Variants in DLG2 observed in about 807,000 individuals in gnomAD.
DLG2 encodes discs large MAGUK scaffold protein 2.
A neutral mutation model predicts 132.5 loss-of-function variants in DLG2; 45 were observed. The ratio of observed to expected loss-of-function variants is 0.34; its 90% CI spans 0.27 to 0.44. DLG2 has a LOEUF of 0.44. Among genes scored for constraint, DLG2 ranks in the 20% least tolerant of loss-of-function variants. The probability of loss-of-function intolerance (pLI) is 1.00; values close to 1 mark genes in which losing one functional copy is unlikely to be tolerated. For synonymous variants in DLG2, 424 were observed against 419.6 expected (o/e 1.01, Z -0.13); for missense variants, 1,045 against 1,196.9 (o/e 0.87, Z 1.87).
chr11:84,043,850 C>T (rs2096168507), intron 11 of DLG2, among the ~76,000 whole-genome samples: 1 of 151,566 alleles, frequency 6.6e-6, no homozygotes, highest in Non-Finnish European at 1.5e-5. Flanking sequence ...GTTCCCTGGG[C>T]TTCAATCTTT....
intron 4 of DLG2, among the ~76,000 whole-genome samples, chr11:85,278,124 A>G (rs2152747721): frequency 6.6e-6 from 1 of 152,218 alleles, no homozygotes; most frequent in African/African-American, 2.4e-5. Context: ...AACCTTTCCC[A>G]CTTTCTCCTA....
At chr11:84,982,119 C>T (rs2055840483) in intron 6 of DLG2, among the ~76,000 whole-genome samples, 1 of 152,104 alleles carries the variant, frequency 6.6e-6, no homozygotes, top group African/African-American at 2.4e-5. Context: ...GGCTCTTCCG[C>T]CTGTAGCCAC....
intron 21 of DLG2, among the ~76,000 whole-genome samples, chr11:83,527,165 A>AAAACC: frequency 6.6e-6 from 1 of 152,328 alleles, no homozygotes; most frequent in Admixed American, 6.5e-5. Flanking sequence ...ATCATCTAGG[A>AAAACC]AAACCAGCTT....
intron 11 of DLG2, among the ~76,000 whole-genome samples, chr11:84,015,484 G>C (rs775147306): frequency 6.6e-6 from 1 of 152,052 alleles, no homozygotes; most frequent in East Asian, 1.9e-4. Flanking sequence ...CATCACCCAG[G>C]TATTAATCCC....
intron 18 of DLG2, among the ~76,000 whole-genome samples, chr11:83,751,363 T>A (rs1460519811): frequency 6.6e-6 from 1 of 152,044 alleles, no homozygotes; most frequent in Non-Finnish European, 1.5e-5. Context: ...TATAGGAGCT[T>A]AGAGGTCAAT....
intron 6 of DLG2, among the ~76,000 whole-genome samples, chr11:84,535,794 T>C (rs140870071): frequency 6.6e-6 from 1 of 152,184 alleles, no homozygotes; most frequent in Non-Finnish European, 1.5e-5. Flanking sequence ...AATAAAGTGT[T>C]AGTTTGCTTT....
At chr11:83,969,838 G>C (rs189014488) in intron 12 of DLG2, among the ~76,000 whole-genome samples, 30 of 152,184 alleles carry the variant, frequency 2.0e-4, no homozygotes, top group Non-Finnish European at 2.6e-4. Context: ...CTCTCAAAGT[G>C]CTGGGATTAC....
At chr11:85,012,900 T>C (rs1462944558) in intron 6 of DLG2, among the ~76,000 whole-genome samples, 1 of 152,178 alleles carries the variant, frequency 6.6e-6, no homozygotes, top group African/African-American at 2.4e-5. Context: ...TATCACCCCT[T>C]AGAGCCTGTG....
chr11:84,452,613 C>G (rs1027880812), intron 7 of DLG2, among the ~76,000 whole-genome samples: 1 of 151,696 alleles, frequency 6.6e-6, no homozygotes, highest in African/African-American at 2.4e-5. Context: ...GTAGATCCAA[C>G]AGATTGTATG....
intron 17 of DLG2, among the ~76,000 whole-genome samples, chr11:83,822,652 T>C (rs1306874475): frequency 1.3e-5 from 2 of 152,234 alleles, no homozygotes; most frequent in African/African-American, 4.8e-5. Context: ...GGTTTGGCTA[T>C]AAGTGGCCAG....
chr11:84,873,636 GGAGA>G (rs1420961462), intron 6 of DLG2, among the ~76,000 whole-genome samples: 3 of 152,174 alleles, frequency 2.0e-5, no homozygotes, highest in Non-Finnish European at 2.9e-5. Flanking sequence ...GAAAGATTAG[GGAGA>G]GAGTTACTCC....
intron 27 of DLG2, chr11:83,461,543 AG>A (rs2090015911): frequency 6.5e-6 from 1 of 153,216 alleles, no homozygotes; most frequent in Non-Finnish European, 1.5e-5. Flanking sequence ...CATCTTGTTC[AG>A]GTGCTGCTGA....
intron 3 of DLG2, among the ~76,000 whole-genome samples, chr11:85,470,386 G>A (rs150316224): frequency 3.4e-4 from 52 of 152,232 alleles, no homozygotes; most frequent in African/African-American, 1.1e-3. Flanking sequence ...TGGGGTAGGG[G>A]TGAGAAGGAG....
At chr11:84,314,735 C>T (rs2098337296) in intron 7 of DLG2, among the ~76,000 whole-genome samples, 2 of 151,632 alleles carry the variant, frequency 1.3e-5, no homozygotes, top group South Asian at 4.2e-4. Flanking sequence ...CTTAAATATA[C>T]ATAAAATATG....
chr11:83,686,547 T>A lies in DLG2; in HGVS notation c.1826-53222A>T, dbSNP rs561369669. ...TGAATCTCCAGCACCAGAACAGGACTTGCCACATAATATGTACACATTAAA... is the reference window on the plus strand; with the variant it reads ...TGAATCTCCAGCACCAGAACAGGACATGCCACATAATATGTACACATTAAA... On this transcript the variant is annotated intron_variant, in intron 18 of 27. Transcript: ENST00000376104. Among the ~76,000 whole-genome samples, 6 of 152,148 alleles carry A rather than the reference T, an allele frequency of 3.9e-5. No individual in the cohort carries two copies. The East Asian group carries it at 7.7e-4, about 20-fold the overall frequency.
intron 11 of DLG2, among the ~76,000 whole-genome samples, chr11:84,032,210 C>G (rs2095717380): frequency 6.6e-6 from 1 of 152,040 alleles, no homozygotes; most frequent in Admixed American, 6.6e-5. Context: ...AATGATTATG[C>G]TTAGTGAGGA....
chr11:83,518,479 AATGCCTCACCCTGCTTCAGCG>A (rs1168100078), intron 21 of DLG2, among the ~76,000 whole-genome samples: 3 of 152,260 alleles, frequency 2.0e-5, no homozygotes, highest in Middle Eastern at 6.8e-3. Context: ...CGGGTGAGGC[AATGCCTCACCCTGCTTCAGCG>A]ATGCCTCACC....
rs894725744 is a variant in DLG2, at chr11:85,191,174, A to G, written c.187-36523T>C. Among the ~76,000 whole-genome samples the G allele has an allele frequency of 2.1e-4, 31 of 148,626 alleles. No homozygotes were observed. The East Asian group carries it at 3.1e-3, about 15-fold the overall frequency. Reference sequence around the variant, plus strand: ...CGCGCGCACGCGCGCACACACACACACACACACACACACACACACACACAC... The same window carrying G: ...CGCGCGCACGCGCGCACACACACACGCACACACACACACACACACACACAC... On this transcript the variant is annotated intron_variant, in intron 4 of 27. Transcript: ENST00000376104.
intron 16 of DLG2, among the ~76,000 whole-genome samples, chr11:83,869,456 C>A (rs2154060611): frequency 6.6e-6 from 1 of 152,226 alleles, no homozygotes; most frequent in South Asian, 2.1e-4. Flanking sequence ...CCCAATGGAG[C>A]CATGGTTTCA....
Sources: gnomAD v4.1 joint callset for allele counts (sites outside exome capture counted in the v4.1 genomes callset) on GRCh38, gnomAD v4.1.1 for gene constraint, MANE v1.5 for transcripts, NCBI Gene and HGNC (gene_info 2026-07-23, HGNC 2026-07-21) for gene names.